Variants in MARCHF8 observed in about 807,000 individuals in gnomAD.
The protein encoded by MARCHF8 is membrane associated ring-CH-type finger 8, also known as E3 ubiquitin-protein ligase MARCHF8.
MARCHF8 carries 40 observed loss-of-function variants against 51.6 expected under a neutral mutation model. The observed-to-expected ratio is 0.77, with a 90% CI of 0.60 to 1.01. The LOEUF (loss-of-function observed/expected upper bound fraction) is 1.01, where lower values mean the gene tolerates loss of function less well. MARCHF8 is among the 50% of genes least tolerant of loss of function. The pLI is 0.00. For synonymous variants in MARCHF8, 263 were observed against 280.3 expected (o/e 0.94, Z 0.62); for missense variants, 685 against 708.6 (o/e 0.97, Z 0.38).
At chr10:45,584,194 A>T (rs1287308761) in intron 1 of MARCHF8, among the ~76,000 whole-genome samples, 1 of 141,564 alleles carries the variant, frequency 7.1e-6, no homozygotes, top group East Asian at 2.1e-4. Flanking sequence ...CACATTCACA[A>T]GAACTAAGAA....
At chr10:45,473,337 C>G (rs1249889735) in intron 3 of MARCHF8, among the ~76,000 whole-genome samples, 1 of 152,222 alleles carries the variant, frequency 6.6e-6, no homozygotes, top group Non-Finnish European at 1.5e-5. Context: ...AGGTACATAT[C>G]ACAGTCTGCA....
At position 45,551,866 on chromosome 10, in the gene MARCHF8, G is replaced by C. The variant is rs200781506; in HGVS notation, c.-78-18577C>G. 4.7e-3 allele frequency among the ~76,000 whole-genome samples: 666 copies of C among 140,466 alleles called. 4 individuals carry two copies. Among genetic ancestry groups the C allele is most frequent in the African/African-American group, 0.017 (633 of 37,772 alleles). 92.2% of individuals were successfully genotyped at this position (140,466 alleles called of 152,430 possible). On this transcript the variant is annotated intron_variant, in intron 1 of 6. Transcript: ENST00000319836. The stretch of plus-strand genomic sequence containing the variant: ...ACACACACACACACACACACACACA[G>C]ACACACACACCCTATTGGTTTTGTT...
chr10:45,495,121 A>G (rs1274566960), intron 2 of MARCHF8, among the ~76,000 whole-genome samples: 1 of 143,544 alleles, frequency 7.0e-6, no homozygotes, highest in East Asian at 2.0e-4. Flanking sequence ...ACTCCATCTC[A>G]AAAAAAAAAA....
chr10:45,501,447 G>A (rs2133144171), intron 2 of MARCHF8, among the ~76,000 whole-genome samples: 1 of 152,176 alleles, frequency 6.6e-6, no homozygotes, highest in African/African-American at 2.4e-5. Context: ...AATGATGCTG[G>A]AACAAAGCAA....
intron 1 of MARCHF8, among the ~76,000 whole-genome samples, chr10:45,585,294 CAT>C (rs1442472966): frequency 6.6e-6 from 1 of 152,150 alleles, no homozygotes; most frequent in Non-Finnish European, 1.5e-5. Flanking sequence ...ACAATGTTCA[CAT>C]CACCACTGCT....
chr10:45,572,275 G>C (rs370971357), intron 1 of MARCHF8, among the ~76,000 whole-genome samples: 9 of 150,972 alleles, frequency 6.0e-5, no homozygotes, highest in African/African-American at 2.2e-4. Context: ...TTTCCTGGGG[G>C]GCAAGCACCC....
At chr10:45,537,239 G>A (rs142625706), upstream of MARCHF8, among the ~76,000 whole-genome samples, 8 of 152,160 alleles carry the variant, frequency 5.3e-5, no homozygotes, top group South Asian at 2.1e-4. Flanking sequence ...TAACCTAAAC[G>A]TCCATCAAAT....
At chr10:45,477,788 C>T (rs956071352) in intron 3 of MARCHF8, among the ~76,000 whole-genome samples, 1 of 152,128 alleles carries the variant, frequency 6.6e-6, no homozygotes, top group Non-Finnish European at 1.5e-5. Flanking sequence ...TCAGATAAAA[C>T]AGACTTTAAG....
chr10:45,459,485 T>C (rs1342657134), intron 6 of MARCHF8, among the ~76,000 whole-genome samples: 1 of 152,212 alleles, frequency 6.6e-6, no homozygotes, highest in Non-Finnish European at 1.5e-5. Flanking sequence ...AGGATCAAGA[T>C]GAATGCAGAA....
intron 2 of MARCHF8, among the ~76,000 whole-genome samples, chr10:45,531,968 C>G (rs2043894283): frequency 6.6e-6 from 1 of 152,132 alleles, no homozygotes; most frequent in South Asian, 2.1e-4. Context: ...GAAACACAAC[C>G]ACTATTTTCA....
At chr10:45,542,232 A>T (rs1189140515) in intron 1 of MARCHF8, among the ~76,000 whole-genome samples, 11 of 150,804 alleles carry the variant, frequency 7.3e-5, no homozygotes, top group African/African-American at 2.7e-4. Flanking sequence ...TGTAGTCCCC[A>T]GCTACTTGGT....
intron 1 of MARCHF8, among the ~76,000 whole-genome samples, chr10:45,555,082 A>G (rs2044236854): frequency 6.6e-6 from 1 of 151,686 alleles, no homozygotes; most frequent in Non-Finnish European, 1.5e-5. Flanking sequence ...ATAAAACATT[A>G]GCCGGGCGTA....
chr10:45,558,265 G>A (rs897273728), intron 1 of MARCHF8, among the ~76,000 whole-genome samples: 6 of 152,136 alleles, frequency 3.9e-5, no homozygotes. Context: ...GAAATCTCCA[G>A]GGGGCAGGGA....
chr10:45,469,464 C>T (rs140835629), intron 3 of MARCHF8, among the ~76,000 whole-genome samples: 34 of 152,168 alleles, frequency 2.2e-4, no homozygotes, highest in African/African-American at 8.2e-4. Flanking sequence ...TTTAAAAGTA[C>T]AATAAAATAG....
At chr10:45,516,194 C>A (rs1279494037) in intron 2 of MARCHF8, among the ~76,000 whole-genome samples, 1 of 152,196 alleles carries the variant, frequency 6.6e-6, no homozygotes, top group Non-Finnish European at 1.5e-5. Context: ...TCTGCTAACT[C>A]CCAGTTTCCT....
rs78872105 is a variant in MARCHF8, at chr10:45,472,184, C to T, written c.154-7857G>A. Among the ~76,000 whole-genome samples the T allele has an allele frequency of 3.7e-3, 570 of 152,300 alleles. 12 individuals are homozygous for T. The East Asian group carries it at 0.052, about 14-fold the overall frequency. Reference sequence around the variant, plus strand: ...TCCTCCCAGGAACACTCCCACATTCCAACCCAGCATGATGGCCCCTCCTCC... The same window carrying T: ...TCCTCCCAGGAACACTCCCACATTCTAACCCAGCATGATGGCCCCTCCTCC... On this transcript the variant is annotated intron_variant, in intron 3 of 7. Coordinates refer to ENST00000453424, the MANE Select transcript of MARCHF8 (RefSeq NM_001282866.2).
At chr10:45,504,019 G>A (rs1027509344) in intron 2 of MARCHF8, among the ~76,000 whole-genome samples, 2 of 152,158 alleles carry the variant, frequency 1.3e-5, no homozygotes, top group African/African-American at 4.8e-5. Context: ...TTTCATTTTC[G>A]GGTGATGAAA....
chr10:45,500,536 G>A (rs1388683479), intron 2 of MARCHF8, among the ~76,000 whole-genome samples: 5 of 151,994 alleles, frequency 3.3e-5, no homozygotes, highest in African/African-American at 4.8e-5. Flanking sequence ...TCAGACTTTC[G>A]CCAATGACTA....
intron 1 of MARCHF8, among the ~76,000 whole-genome samples, chr10:45,541,902 T>C (rs2044057629): frequency 6.6e-6 from 1 of 152,272 alleles, no homozygotes; most frequent in Non-Finnish European, 1.5e-5. Context: ...GGCTTTGGAC[T>C]GTGCCAGAGC....
Sources: allele counts gnomAD v4.1 joint callset (sites outside exome capture counted in the v4.1 genomes callset), GRCh38; gene constraint gnomAD v4.1.1; transcripts MANE v1.5; gene names NCBI Gene and HGNC (gene_info 2026-07-23, HGNC 2026-07-21).